TRIM55: variants seen among roughly 807,000 people sequenced by gnomAD.
The protein encoded by TRIM55 is tripartite motif containing 55, also known as tripartite motif-containing protein 55.
A neutral mutation model predicts 60.9 loss-of-function variants in TRIM55; 50 were observed. The observed-to-expected ratio is 0.82, with a 90% confidence interval of 0.65 to 1.04. TRIM55 has a LOEUF of 1.04. Ranked by LOEUF, TRIM55 falls within the 50% of genes least tolerant of loss-of-function variation. The pLI is 0.00. For synonymous variants in TRIM55, 237 were observed against 238.1 expected (o/e 1.00, Z 0.04); for missense variants, 681 against 666.9 (o/e 1.02, Z -0.23).
the TRIM55 span, chr8:66,114,532 T>A: frequency 2.2e-6 from 1 of 456,322 alleles, no homozygotes. Context: ...GAATCCTTTA[T>A]GATTTGTGAT....
At chr8:66,128,993 A>G (rs992743425) in intron 2 of TRIM55, among the ~76,000 whole-genome samples, 2 of 152,128 alleles carry the variant, frequency 1.3e-5, no homozygotes, top group Admixed American at 1.3e-4. Context: ...CACTGTATTT[A>G]CTCTAAGGGA....
At chr8:66,135,823 A>G (rs1196084796) in intron 3 of TRIM55, among the ~76,000 whole-genome samples, 5 of 152,024 alleles carry the variant, frequency 3.3e-5, no homozygotes, top group Admixed American at 1.3e-4. Context: ...CACATTACCA[A>G]CCTGCCAACC....
rs147337331 is a variant in TRIM55, at chr8:66,137,732, C to A, written c.603+542C>A. On this transcript the variant is annotated intron_variant, in intron 4 of 9. Transcript: ENST00000315962. ...CATCTCCACTTGCCCTCTGCCTGGCCCAATGCCTGGCACATAATCAACACT... is the reference window on the plus strand; with the variant it reads ...CATCTCCACTTGCCCTCTGCCTGGCACAATGCCTGGCACATAATCAACACT... Among the ~76,000 whole-genome samples, 728 of 148,810 alleles carry A rather than the reference C, an allele frequency of 4.9e-3. 7 individuals are homozygous for A. Among genetic ancestry groups the A allele is most frequent in the African/African-American group, 0.018 (709 of 39,724 alleles).
At chr8:66,167,705 C>A (rs1449003527) in intron 9 of TRIM55, among the ~76,000 whole-genome samples, 1 of 152,168 alleles carries the variant, frequency 6.6e-6, no homozygotes, top group African/African-American at 2.4e-5. Flanking sequence ...CCACACACCC[C>A]CTTAATCACT....
Position 66,135,042 on chromosome 8 carries a change from A to G in TRIM55, c.394A>G (p.Ile132Val). The change falls in exon 3 of 10, where the codon ATC becomes GTC. Residue 132 changes from isoleucine (I) to valine (V), a missense_variant. By Grantham distance (29) the Ile-to-Val change is conservative. Transcript: ENST00000315962. ...PMCEEHEEER[I>V]NIYCLNCEVP... The stretch of plus-strand genomic sequence containing the variant: ...GTGCGAGGAACATGAAGAGGAGCGC[A>G]TCAACATCTACTGTCTGAACTGCGA... 6.2e-7 allele frequency: 1 copy of G among 1,614,228 alleles called. No individual in the cohort carries two copies. The highest frequency in any genetic ancestry group is 8.5e-7 in the Non-Finnish European group (1 of 1,180,042).
At chr8:66,142,370 A>T (rs1809866067) in intron 4 of TRIM55, among the ~76,000 whole-genome samples, 1 of 152,220 alleles carries the variant, frequency 6.6e-6, no homozygotes, top group Non-Finnish European at 1.5e-5. Flanking sequence ...TATTTATCTA[A>T]GAGGCTTTGT....
At chr8:66,173,562 T>C (rs576806062) in intron 9 of TRIM55, among the ~76,000 whole-genome samples, 1 of 152,348 alleles carries the variant, frequency 6.6e-6, no homozygotes, top group Non-Finnish European at 1.5e-5. Flanking sequence ...TCTAATCTGG[T>C]GGGATAATTT....
At position 66,152,426 on chromosome 8, in the gene TRIM55, A is replaced by G. The variant is rs750906513; in HGVS notation, c.1035A>G (p.Gly345=). ...AAGGCGGAGAAGGAGAAAAAGAAGGAGAAGGAGAAGTGGGAGGAGAAGCAG... is the reference window on the plus strand; with the variant it reads ...AAGGCGGAGAAGGAGAAAAAGAAGGGGAAGGAGAAGTGGGAGGAGAAGCAG... ...EEEGGEGEKE[G]EGEVGGEAVE... is the part of the protein sequence containing the mutation. Residue 345 remains glycine, a synonymous_variant, in exon 8 of 10, where the codon GGA becomes GGG. Coordinates refer to ENST00000315962, the MANE Select transcript of TRIM55 (RefSeq NM_184085.2). 5 of 1,612,264 alleles carry G rather than the reference A, an allele frequency of 3.1e-6. No homozygotes were observed. The East Asian group carries it at 8.9e-5, about 29-fold the overall frequency.
intron 9 of TRIM55, 118 bp downstream of exon 9, chr8:66,154,452 G>A (rs982235894): frequency 9.5e-7 from 1 of 1,049,232 alleles, no homozygotes; most frequent in South Asian, 1.7e-5. Context: ...TCAGCCAGGG[G>A]AAAAGTACAG....
intron 9 of TRIM55, among the ~76,000 whole-genome samples, chr8:66,155,171 G>T (rs1167741913): frequency 6.6e-6 from 1 of 152,196 alleles, no homozygotes; most frequent in African/African-American, 2.4e-5. Context: ...ATGCTCCTGG[G>T]TCATCAGGTG....
chr8:66,113,427 C>T, the TRIM55 span: 1 of 444,038 alleles, frequency 2.3e-6, no homozygotes, highest in South Asian at 1.6e-5. Context: ...AGGAGACATC[C>T]TTAGGTCGCT....
chr8:66,157,341 C>T (rs1216720282), intron 9 of TRIM55, among the ~76,000 whole-genome samples: 3 of 152,134 alleles, frequency 2.0e-5, no homozygotes, highest in Admixed American at 1.3e-4. Flanking sequence ...TGATGGAGTA[C>T]TACTCTTTGA....
intron 4 of TRIM55, among the ~76,000 whole-genome samples, chr8:66,138,599 C>G (rs2128975973): frequency 6.6e-6 from 1 of 152,338 alleles, no homozygotes; most frequent in South Asian, 2.1e-4. Context: ...TTCTGTTGGC[C>G]AGGCTGGTCT....
In TRIM55 at chr8:66,135,065, C is replaced by T. The variant is rs150385092; in HGVS notation, c.417C>T (p.Cys139=). Residue 139 remains cysteine, a synonymous_variant, in exon 3 of 10, where the codon TGC becomes TGT. Coordinates refer to ENST00000315962, the MANE Select transcript of TRIM55 (RefSeq NM_184085.2). The part of the protein sequence containing the change: ...EERINIYCLN[C]EVPTCSLCKV... ...GCATCAACATCTACTGTCTGAACTG[C>T]GAAGTACCCACCTGCTCTCTGTGCA... 3.9e-5 allele frequency: 63 copies of T among 1,614,192 alleles called. No homozygotes were observed. Among genetic ancestry groups the T allele is most frequent in the South Asian group, 3.2e-4 (29 of 91,086 alleles).
intron 4 of TRIM55, among the ~76,000 whole-genome samples, chr8:66,140,920 T>C (rs989659419): frequency 1.3e-5 from 2 of 152,174 alleles, no homozygotes; most frequent in African/African-American, 4.8e-5. Flanking sequence ...AAGAGTTCCT[T>C]AGGGATGGGA....
the TRIM55 span, chr8:66,113,371 C>T: frequency 1.1e-4 from 41 of 383,786 alleles, no homozygotes; most frequent in South Asian, 6.8e-4. Context: ...CACGTCCCTT[C>T]GATAGCTCAG....
chr8:66,150,219 T>A lies in TRIM55; in HGVS notation c.840T>A (p.Asn280Lys). 6.2e-7 allele frequency: 1 copy of A among 1,613,110 alleles called. No homozygotes were observed. Among genetic ancestry groups the A allele is most frequent in the Non-Finnish European group, 8.5e-7 (1 of 1,179,416 alleles). Reference protein sequence around the residue: ...DEPEMAVFLQNAKTLLKKISE... With the variant: ...DEPEMAVFLQKAKTLLKKISE... The stretch of plus-strand genomic sequence containing the variant: ...CTATCTTTTGTTTGCTTTCACAGAA[T>A]GCCAAAACCCTGCTAAAAAAGTAAG... The change falls in exon 6 of 10, where the codon AAT (asparagine) becomes AAA (lysine). Residue 280 changes from asparagine (N) to lysine (K), a missense_variant and splice_region_variant. Asn to Lys is a moderately conservative substitution (Grantham distance 94). Coordinates refer to ENST00000315962, the MANE Select transcript of TRIM55 (RefSeq NM_184085.2).
At chr8:66,155,687 A>G (rs746449998) in intron 9 of TRIM55, 1 of 1,612,338 alleles carries the variant, frequency 6.2e-7, no homozygotes, top group Non-Finnish European at 8.5e-7. Context: ...AGTCAGATTC[A>G]GTGCTTGATT....
At chr8:66,130,968 G>C (rs1809121069) in intron 2 of TRIM55, among the ~76,000 whole-genome samples, 1 of 151,868 alleles carries the variant, frequency 6.6e-6, no homozygotes, top group Admixed American at 6.6e-5. Flanking sequence ...GCCAAAACTT[G>C]GCATTCTTAT....
Sources: gnomAD v4.1 joint callset for allele counts (sites outside exome capture counted in the v4.1 genomes callset) on GRCh38, gnomAD v4.1.1 for gene constraint, MANE v1.5 for transcripts, NCBI Gene and HGNC (gene_info 2026-07-23, HGNC 2026-07-21) for gene names.